LUZP2: variants seen among roughly 807,000 people sequenced by gnomAD.
The protein encoded by LUZP2 is leucine zipper protein 2.
LUZP2 carries 52 observed loss-of-function variants against 51.6 expected under a neutral mutation model. That is an observed-to-expected ratio of 1.01 (90% confidence interval 0.81 to 1.27). The LOEUF (loss-of-function observed/expected upper bound fraction) is 1.27. Ranked by LOEUF, LUZP2 falls within the 50% of genes most tolerant of loss-of-function variation. The probability of loss-of-function intolerance (pLI) is 0.00; values close to 1 mark genes in which losing one functional copy is unlikely to be tolerated. For synonymous variants in LUZP2, 154 were observed against 137.3 expected (o/e 1.12, Z -0.85); for missense variants, 436 against 395.4 (o/e 1.10, Z -0.87).
chr11:24,992,220 G>C (rs1487518030), intron 9 of LUZP2, among the ~76,000 whole-genome samples: 2 of 152,020 alleles, frequency 1.3e-5, no homozygotes, highest in Non-Finnish European at 2.9e-5. Flanking sequence ...CCAAAAACAG[G>C]CTGTAAGAAA....
chr11:24,860,893 C>T (rs1809592133), intron 5 of LUZP2, among the ~76,000 whole-genome samples: 1 of 152,046 alleles, frequency 6.6e-6, no homozygotes, highest in Admixed American at 6.6e-5. Flanking sequence ...GGCCAGAGTG[C>T]CTTTTCTCCT....
intron 1 of LUZP2, among the ~76,000 whole-genome samples, chr11:24,688,098 C>T (rs907455403): frequency 1.3e-5 from 2 of 152,030 alleles, no homozygotes; most frequent in African/African-American, 4.8e-5. Context: ...GGTATATTCT[C>T]TTTTTCAGGG....
intron 7 of LUZP2, among the ~76,000 whole-genome samples, chr11:24,974,065 T>C (rs1006748871): frequency 6.6e-5 from 10 of 152,072 alleles, no homozygotes; most frequent in Admixed American, 2.6e-4. Context: ...TGTGTGGGAG[T>C]ATAAGTCTCT....
At chr11:24,505,039 A>G (rs575979341) in intron 1 of LUZP2, among the ~76,000 whole-genome samples, 108 of 152,240 alleles carry the variant, frequency 7.1e-4, no homozygotes, top group Non-Finnish European at 1.2e-3. Flanking sequence ...GAAAACGAGT[A>G]AGACTGAAAG....
In LUZP2 at chr11:25,082,161, T is replaced by A. The variant is rs1859474216; in HGVS notation, c.*3503T>A. 6.6e-6 allele frequency: 1 copy of A among 152,624 alleles called. No individual in the cohort carries two copies. The highest frequency in any genetic ancestry group is 1.5e-5 in the Non-Finnish European group (1 of 68,024). The allele number at this position is 152,624 out of a possible 1,614,324, so 9.5% of individuals were successfully genotyped here. On this transcript the variant is annotated 3_prime_UTR_variant, in exon 12 of 12. Coordinates refer to ENST00000336930, the MANE Select transcript of LUZP2 (RefSeq NM_001009909.4). Reference sequence around the variant, plus strand: ...ATATCTGAATATTGAAAAAACTAGGTTGCTAACTTTTTTCATTCCTTATGC... The same window carrying A: ...ATATCTGAATATTGAAAAAACTAGGATGCTAACTTTTTTCATTCCTTATGC...
At chr11:24,910,135 C>T (rs370101860) in intron 6 of LUZP2, among the ~76,000 whole-genome samples, 3 of 151,900 alleles carry the variant, frequency 2.0e-5, no homozygotes, top group Non-Finnish European at 4.4e-5. Context: ...TGTGGAACTT[C>T]GAACTTGTGA....
intron 5 of LUZP2, among the ~76,000 whole-genome samples, chr11:24,777,996 T>C (rs74908008): frequency 0.024 from 3,620 of 152,250 alleles, 161 homozygotes; most frequent in African/African-American, 0.083. Flanking sequence ...GTTGAGTGAA[T>C]GATAAATATT....
At chr11:24,788,373 A>G (rs1849308382) in intron 5 of LUZP2, among the ~76,000 whole-genome samples, 1 of 151,546 alleles carries the variant, frequency 6.6e-6, no homozygotes, top group Non-Finnish European at 1.5e-5. Context: ...TATTTTTAGT[A>G]GAGACGGGGT....
intron 1 of LUZP2, chr11:24,646,490 C>A: frequency 1.7e-6 from 1 of 582,168 alleles, no homozygotes. Flanking sequence ...TATCTTAATG[C>A]TTTACCTTAT....
chr11:24,901,854 C>T (rs1202531215), intron 5 of LUZP2, among the ~76,000 whole-genome samples: 3 of 152,112 alleles, frequency 2.0e-5, no homozygotes, highest in Non-Finnish European at 4.4e-5. Flanking sequence ...TATTTAGAGT[C>T]GAGTCCCATC....
intron 5 of LUZP2, chr11:24,786,490 C>T (rs1849248867): frequency 1.0e-6 from 1 of 977,056 alleles, no homozygotes; most frequent in Non-Finnish European, 1.2e-6. Flanking sequence ...TAACACCTTC[C>T]CCTAATGTGA....
intron 1 of LUZP2, among the ~76,000 whole-genome samples, chr11:24,601,880 G>A (rs1203387926): frequency 3.8e-5 from 1 of 26,256 alleles, no homozygotes; most frequent in Admixed American, 6.6e-4. Flanking sequence ...ATGTATACAT[G>A]TATATATGTA....
At chr11:24,583,119 T>C (rs192361899) in intron 1 of LUZP2, among the ~76,000 whole-genome samples, 77 of 152,302 alleles carry the variant, frequency 5.1e-4, no homozygotes, top group African/African-American at 1.8e-3. Context: ...GTTTTTGTAA[T>C]GATTTACATA....
At chr11:24,777,139 C>A (rs770499312) in intron 5 of LUZP2, among the ~76,000 whole-genome samples, 1 of 151,816 alleles carries the variant, frequency 6.6e-6, no homozygotes, top group Non-Finnish European at 1.5e-5. Context: ...GGACTACAGG[C>A]GCCACCACCA....
intron 5 of LUZP2, chr11:24,786,659 A>G: frequency 6.2e-5 from 1 of 16,228 alleles, no homozygotes; most frequent in Non-Finnish European, 1.2e-4. Context: ...ATAGGTATAT[A>G]ATATATAAAT....
intron 5 of LUZP2, among the ~76,000 whole-genome samples, chr11:24,853,541 T>TTTTAAGTTTTTAAGTTTTTTTA (rs1851459518): frequency 6.6e-6 from 1 of 152,084 alleles, no homozygotes; most frequent in Non-Finnish European, 1.5e-5. Context: ...TTAAGGTGCT[T>TTTTAAGTTTTTAAGTTTTTTTA]AGCTTCCTTG....
chr11:24,648,093 ATTCATG>A (rs913127030), intron 1 of LUZP2, among the ~76,000 whole-genome samples: 3 of 151,904 alleles, frequency 2.0e-5, no homozygotes, highest in African/African-American at 7.2e-5. Flanking sequence ...TAAGTGTTAG[ATTCATG>A]TTCAACACTG....
intron 1 of LUZP2, among the ~76,000 whole-genome samples, chr11:24,584,543 G>A (rs1008386619): frequency 2.6e-5 from 4 of 152,130 alleles, no homozygotes; most frequent in Non-Finnish European, 4.4e-5. Flanking sequence ...CAATCAGAGA[G>A]CCCTCAGTAA....
chr11:24,522,445 A>T (rs1221230357), intron 1 of LUZP2, among the ~76,000 whole-genome samples: 2 of 152,024 alleles, frequency 1.3e-5, no homozygotes, highest in Non-Finnish European at 2.9e-5. Flanking sequence ...TTTGGAGTCT[A>T]AGTGCATCCG....
Sources: gnomAD v4.1 joint callset for allele counts (sites outside exome capture counted in the v4.1 genomes callset) on GRCh38, gnomAD v4.1.1 for gene constraint, MANE v1.5 for transcripts, NCBI Gene and HGNC (gene_info 2026-07-23, HGNC 2026-07-21) for gene names.